Variants in CLNK observed in about 807,000 individuals in gnomAD.
CLNK encodes cytokine dependent hematopoietic cell linker, also known as cytokine-dependent hematopoietic cell linker.
CLNK carries 74 observed loss-of-function variants against 68.6 expected under a neutral mutation model. The ratio of observed to expected loss-of-function variants is 1.08; its 90% CI spans 0.89 to 1.31. The LOEUF (loss-of-function observed/expected upper bound fraction) is 1.31, where lower values mean the gene tolerates loss of function less well. Among genes scored for constraint, CLNK ranks in the 50% most tolerant of loss-of-function variants. The pLI, the probability that CLNK is intolerant of heterozygous loss-of-function variation, is 0.00. For missense variants in CLNK, 553 were observed against 515.3 expected (o/e 1.07, Z -0.71); for synonymous variants, 198 against 172.2 (o/e 1.15, Z -1.17).
intron 3 of CLNK, among the ~76,000 whole-genome samples, chr4:10,596,287 A>G (rs968788268): frequency 6.6e-6 from 1 of 152,124 alleles, no homozygotes; most frequent in Non-Finnish European, 1.5e-5. Context: ...AGCCTCCCAA[A>G]GTGCTGGGAT....
the CLNK span, among the ~76,000 whole-genome samples, chr4:10,708,172 T>C: frequency 5.3e-5 from 8 of 152,132 alleles, no homozygotes; most frequent in African/African-American, 1.9e-4. Flanking sequence ...TCAAATCCCA[T>C]CTATGTGACT....
chr4:10,519,394 AC>A (rs1717969121), intron 15 of CLNK, among the ~76,000 whole-genome samples: 1 of 151,986 alleles, frequency 6.6e-6, no homozygotes, highest in African/African-American at 2.4e-5. Flanking sequence ...CTGCAACAAA[AC>A]CTCCATAAGT....
chr4:10,522,192 A>G (rs1481456127), intron 14 of CLNK, among the ~76,000 whole-genome samples: 1 of 148,604 alleles, frequency 6.7e-6, no homozygotes, highest in African/African-American at 2.5e-5. Flanking sequence ...TGGGAGGCGG[A>G]GGTTGCAGTG....
chr4:10,577,114 CA>C (rs1720596632), intron 4 of CLNK, among the ~76,000 whole-genome samples: 1 of 152,212 alleles, frequency 6.6e-6, no homozygotes, highest in Non-Finnish European at 1.5e-5. Context: ...AGGAAGCCTG[CA>C]GAGGTTTAGC....
At chr4:10,723,918 G>GA in the CLNK span, among the ~76,000 whole-genome samples, 3 of 146,606 alleles carry the variant, frequency 2.0e-5, no homozygotes, top group African/African-American at 7.8e-5. Flanking sequence ...GAGAGAGAGA[G>GA]AAGGCAGGGC....
intron 2 of CLNK, among the ~76,000 whole-genome samples, chr4:10,641,952 C>A (rs185081600): frequency 2.6e-5 from 4 of 152,262 alleles, no homozygotes; most frequent in Admixed American, 1.3e-4. Flanking sequence ...GTAACGTGTG[C>A]CTTTCTCCTT....
At chr4:10,658,995 G>A (rs1333719995) in intron 2 of CLNK, among the ~76,000 whole-genome samples, 1 of 152,142 alleles carries the variant, frequency 6.6e-6, no homozygotes, top group East Asian at 1.9e-4. Flanking sequence ...CTGAGGTCAG[G>A]AGTTTGAGAC....
At chr4:10,577,350 G>T (rs900394706) in intron 4 of CLNK, among the ~76,000 whole-genome samples, 2 of 152,190 alleles carry the variant, frequency 1.3e-5, no homozygotes, top group African/African-American at 4.8e-5. Context: ...TGAGGGGTCT[G>T]TGAGTCCTAG....
At chr4:10,663,272 C>T (rs1490959759) in intron 2 of CLNK, among the ~76,000 whole-genome samples, 1 of 152,218 alleles carries the variant, frequency 6.6e-6, no homozygotes, top group African/African-American at 2.4e-5. Flanking sequence ...AGGGAAGCTG[C>T]AAGTTTTGTT....
chr4:10,497,209 T>C (rs1366770150), intron 18 of CLNK, among the ~76,000 whole-genome samples: 4 of 152,204 alleles, frequency 2.6e-5, no homozygotes, highest in Non-Finnish European at 5.9e-5. Context: ...GCTATGAGGA[T>C]TCAATAGATC....
chr4:10,540,144 C>T lies in CLNK; in HGVS notation c.602+350G>A, dbSNP rs78621122. 7.9e-3 allele frequency among the ~76,000 whole-genome samples: 1,205 copies of T among 152,220 alleles called. 17 individuals are homozygous for T. Among genetic ancestry groups the T allele is most frequent in the East Asian group, 0.047 (246 of 5,186 alleles). On this transcript the variant is annotated intron_variant, in intron 11 of 18. Transcript: ENST00000226951. ...ATGGAGCAGTTTCCCCTATGCTGTT[C>T]CCATGTTACTGCATGCACTGTCATG...
At chr4:10,587,196 C>G (rs968360966) in intron 3 of CLNK, among the ~76,000 whole-genome samples, 1 of 152,094 alleles carries the variant, frequency 6.6e-6, no homozygotes, top group African/African-American at 2.4e-5. Flanking sequence ...AAACTCCTGA[C>G]CTCAGGTGAT....
the CLNK span, among the ~76,000 whole-genome samples, chr4:10,699,210 T>C: frequency 0.035 from 2,398 of 67,646 alleles, 58 homozygotes; most frequent in East Asian, 0.065. Context: ...AACACACACA[T>C]ACACACCACA....
intron 2 of CLNK, among the ~76,000 whole-genome samples, chr4:10,631,187 T>G (rs575301573): frequency 4.6e-5 from 7 of 152,322 alleles, no homozygotes; most frequent in Admixed American, 4.6e-4. Flanking sequence ...CGAAGAGCTC[T>G]ACAGGTTCTA....
At chr4:10,655,639 T>C (rs1433602489) in intron 2 of CLNK, among the ~76,000 whole-genome samples, 1 of 8,198 alleles carries the variant, frequency 1.2e-4, no homozygotes, top group Admixed American at 9.7e-4. Flanking sequence ...TAGATAGCAT[T>C]TTTTTTTTTT....
At chr4:10,501,130 G>T (rs946851578) in intron 18 of CLNK, 126 bp downstream of exon 18, 7 of 913,592 alleles carry the variant, frequency 7.7e-6, no homozygotes, top group Non-Finnish European at 1.1e-5. Flanking sequence ...TGGAAGGGGT[G>T]GGGAGGTCAG....
intron 2 of CLNK, among the ~76,000 whole-genome samples, chr4:10,617,180 T>C (rs1193018961): frequency 1.3e-5 from 2 of 152,092 alleles, no homozygotes; most frequent in Non-Finnish European, 1.5e-5. Flanking sequence ...TCCCTCTCTT[T>C]CCTCCCCTCC....
chr4:10,670,822 A>G (rs1392589912), intron 1 of CLNK, among the ~76,000 whole-genome samples: 1 of 152,218 alleles, frequency 6.6e-6, no homozygotes, highest in Non-Finnish European at 1.5e-5. Context: ...CTCTGTGCAG[A>G]GCCAAATTGC....
At chr4:10,720,947 T>G in the CLNK span, among the ~76,000 whole-genome samples, 6 of 152,080 alleles carry the variant, frequency 3.9e-5, no homozygotes, top group Non-Finnish European at 7.4e-5. Flanking sequence ...AATGATTAAA[T>G]AAACTGGTAC....
Sources: allele counts gnomAD v4.1 joint callset (sites outside exome capture counted in the v4.1 genomes callset), GRCh38; gene constraint gnomAD v4.1.1; transcripts MANE v1.5; gene names NCBI Gene and HGNC (gene_info 2026-07-23, HGNC 2026-07-21).